RAPGEF6: variants seen among roughly 807,000 people sequenced by gnomAD.
The protein encoded by RAPGEF6 is Rap guanine nucleotide exchange factor 6.
A neutral mutation model predicts 171.4 loss-of-function variants in RAPGEF6; 56 were observed. The observed-to-expected ratio is 0.33, with a 90% CI of 0.26 to 0.41. The LOEUF is 0.41. RAPGEF6 is among the 10% of genes least tolerant of loss of function. RAPGEF6 has a pLI of 1.00. For missense variants in RAPGEF6, 1,674 were observed against 1,921.4 expected (o/e 0.87, Z 2.41); for synonymous variants, 692 against 650.1 (o/e 1.06, Z -0.98).
chr5:131,434,088 A>G (rs1751877049), intron 24 of RAPGEF6, among the ~76,000 whole-genome samples: 2 of 152,234 alleles, frequency 1.3e-5, no homozygotes, highest in Admixed American at 1.3e-4. Flanking sequence ...CCTGATCTGA[A>G]TCCCAAATAC....
chr5:131,582,329 C>T (rs1344542375), intron 4 of RAPGEF6, among the ~76,000 whole-genome samples: 1 of 152,142 alleles, frequency 6.6e-6, no homozygotes, highest in Non-Finnish European at 1.5e-5. Context: ...GGTGCAAAGG[C>T]AATCCAGAAG....
intron 9 of RAPGEF6, 78 bp downstream of exon 9, chr5:131,507,993 A>C: frequency 7.8e-7 from 1 of 1,289,828 alleles, no homozygotes; most frequent in South Asian, 1.8e-5. Flanking sequence ...CTCAAAAATC[A>C]GGACAAATTT....
chr5:131,484,158 A>G (rs1182695939), intron 15 of RAPGEF6, among the ~76,000 whole-genome samples: 1 of 150,146 alleles, frequency 6.7e-6, no homozygotes, highest in Non-Finnish European at 1.5e-5. Flanking sequence ...AAGGTGCTCA[A>G]CCTTACTTGT....
At chr5:131,433,731 GA>G (rs11326479) in intron 24 of RAPGEF6, 73 bp from the exon 25 acceptor site, 44,755 of 808,648 alleles carry the variant, frequency 0.055, 922 homozygotes, top group African/African-American at 0.16. Context: ...GGGAAAGGAT[GA>G]AAAAAAAAAA....
At chr5:131,472,784 A>G (rs754934079) in intron 16 of RAPGEF6, 40 bp from the exon 17 acceptor site, 49 of 1,534,876 alleles carry the variant, frequency 3.2e-5, no homozygotes, top group Non-Finnish European at 4.2e-5. Flanking sequence ...AGTATTTGAG[A>G]GTACTTAAGT....
chr5:131,466,927 A>C (rs1168639119), intron 17 of RAPGEF6, among the ~76,000 whole-genome samples: 1 of 152,114 alleles, frequency 6.6e-6, no homozygotes, highest in East Asian at 1.9e-4. Context: ...CCAACAATAT[A>C]CTGTTATTAC....
intron 26 of RAPGEF6, among the ~76,000 whole-genome samples, chr5:131,429,511 C>T (rs1267449220): frequency 1.3e-5 from 2 of 152,132 alleles, no homozygotes; most frequent in Middle Eastern, 3.2e-3. Flanking sequence ...CACAGAAGTA[C>T]ATGACAACTC....
intron 5 of RAPGEF6, among the ~76,000 whole-genome samples, chr5:131,558,395 G>A (rs981845068): frequency 6.6e-6 from 1 of 151,488 alleles, no homozygotes; most frequent in African/African-American, 2.4e-5. Flanking sequence ...ATCTTTGACG[G>A]GTTTATCAAT....
At chr5:131,529,568 A>G (rs1020906464) in intron 6 of RAPGEF6, among the ~76,000 whole-genome samples, 2 of 151,958 alleles carry the variant, frequency 1.3e-5, no homozygotes, top group African/African-American at 4.8e-5. Flanking sequence ...GGAACAAAAC[A>G]TTAGGCAATC....
intron 18 of RAPGEF6, 87 bp downstream of exon 18, chr5:131,463,951 GATA>G: frequency 6.7e-7 from 1 of 1,489,396 alleles, no homozygotes; most frequent in Non-Finnish European, 8.9e-7. Flanking sequence ...ACTAAAACAT[GATA>G]ATGTTTCTAC....
At chr5:131,599,082 G>A (rs78921043) in intron 3 of RAPGEF6, among the ~76,000 whole-genome samples, 2 of 152,122 alleles carry the variant, frequency 1.3e-5, no homozygotes, top group African/African-American at 4.8e-5. Context: ...AGGCAGAGAC[G>A]GGCGGATTAC....
chr5:131,539,523 G>A (rs1396338531), intron 6 of RAPGEF6, among the ~76,000 whole-genome samples: 1 of 152,190 alleles, frequency 6.6e-6, no homozygotes, highest in Non-Finnish European at 1.5e-5. Flanking sequence ...TCATGAGGAG[G>A]TGGGGGCATG....
chr5:131,430,962 T>A lies in RAPGEF6; in HGVS notation c.4362A>T (p.Val1454=). The A allele has an allele frequency of 6.2e-7, 1 of 1,614,172 alleles. No homozygotes were observed. The highest frequency in any genetic ancestry group is 1.3e-5 in the African/African-American group (1 of 75,032). ...EPNYGTVKQR[V]LESTPAESSE... is the part of the protein sequence containing the mutation. ...ATGACTCAGCTGGGGTGCTCTCCAA[T>A]ACTCTCTGTTTAACTGTCCCATAGT... The change falls in exon 26 of 28, where the codon GTA becomes GTT. Residue 1454 remains valine, a synonymous_variant. Transcript: ENST00000509018.
chr5:131,434,242 T>C (rs1751886640), intron 24 of RAPGEF6, among the ~76,000 whole-genome samples: 2 of 152,210 alleles, frequency 1.3e-5, no homozygotes, highest in African/African-American at 4.8e-5. Flanking sequence ...GTCACTGTTT[T>C]AGATTATTTT....
At chr5:131,574,512 T>C (rs1256322469) in intron 4 of RAPGEF6, among the ~76,000 whole-genome samples, 1 of 152,150 alleles carries the variant, frequency 6.6e-6, no homozygotes, top group Non-Finnish European at 1.5e-5. Context: ...GTTGTGGGTA[T>C]TGACAGCCAG....
At chr5:131,603,910 T>C (rs960805072) in intron 2 of RAPGEF6, among the ~76,000 whole-genome samples, 2 of 152,112 alleles carry the variant, frequency 1.3e-5, no homozygotes, top group African/African-American at 4.8e-5. Flanking sequence ...CCAGGAAAAG[T>C]CACTGGATAA....
At chr5:131,557,246 T>C (rs1761293805) in intron 5 of RAPGEF6, among the ~76,000 whole-genome samples, 1 of 57,602 alleles carries the variant, frequency 1.7e-5, no homozygotes, top group Non-Finnish European at 4.1e-5. Flanking sequence ...CTCAACTGAT[T>C]TAAAAAGATC....
At chr5:131,585,837 A>C (rs1763227729) in intron 4 of RAPGEF6, among the ~76,000 whole-genome samples, 1 of 152,126 alleles carries the variant, frequency 6.6e-6, no homozygotes, top group Admixed American at 6.5e-5. Flanking sequence ...CAAAAAACAA[A>C]CAAAAAAAGC....
intron 6 of RAPGEF6, among the ~76,000 whole-genome samples, chr5:131,542,148 C>T (rs1453616127): frequency 2.0e-5 from 3 of 152,122 alleles, no homozygotes; most frequent in Non-Finnish European, 4.4e-5. Context: ...CCTTTATTCT[C>T]CCTTTGTTCT....
Sources: gnomAD v4.1 joint callset for allele counts (sites outside exome capture counted in the v4.1 genomes callset) on GRCh38, gnomAD v4.1.1 for gene constraint, MANE v1.5 for transcripts, NCBI Gene and HGNC (gene_info 2026-07-23, HGNC 2026-07-21) for gene names.